ITGA9: variants seen among roughly 807,000 people sequenced by gnomAD.
ITGA9 encodes the protein integrin subunit alpha 9.
In ITGA9, 56 loss-of-function variants were observed where a neutral mutation model predicts 127.8. That is an observed-to-expected ratio of 0.44 (90% CI 0.35 to 0.55). The LOEUF is 0.55. ITGA9 is among the 20% of genes least tolerant of loss of function. The pLI is 0.00. For synonymous variants in ITGA9, 508 were observed against 514.5 expected (o/e 0.99, Z 0.17); for missense variants, 1,196 against 1,347.1 (o/e 0.89, Z 1.76).
chr3:37,612,165 C>T (rs936903154), intron 15 of ITGA9, among the ~76,000 whole-genome samples: 34 of 152,194 alleles, frequency 2.2e-4, no homozygotes, highest in African/African-American at 7.0e-4. Context: ...TGGTCTCTCT[C>T]ATTAGGCATT....
At chr3:37,482,983 T>C (rs765684622) in intron 4 of ITGA9, among the ~76,000 whole-genome samples, 5 of 152,146 alleles carry the variant, frequency 3.3e-5, no homozygotes, top group African/African-American at 4.8e-5. Context: ...AAAGCATGTG[T>C]CAAGCCTGGG....
intron 15 of ITGA9, among the ~76,000 whole-genome samples, chr3:37,596,429 G>A (rs767276842): frequency 1.3e-5 from 2 of 152,172 alleles, no homozygotes; most frequent in African/African-American, 4.8e-5. Flanking sequence ...GCCCCTTGGA[G>A]GAGAGAAAAG....
intron 18 of ITGA9, among the ~76,000 whole-genome samples, chr3:37,694,620 A>G (rs983437040): frequency 6.6e-6 from 1 of 152,252 alleles, no homozygotes; most frequent in African/African-American, 2.4e-5. Context: ...ACAAGGATCA[A>G]TTAAGAAGGA....
At chr3:37,747,523 C>G (rs1047202571) in intron 22 of ITGA9, among the ~76,000 whole-genome samples, 4 of 146,794 alleles carry the variant, frequency 2.7e-5, no homozygotes, top group African/African-American at 1.0e-4. Flanking sequence ...ACCATCCCCA[C>G]CACCCCCCGC....
At chr3:37,672,914 T>TG (rs397956183) in intron 17 of ITGA9, among the ~76,000 whole-genome samples, 6 of 151,790 alleles carry the variant, frequency 4.0e-5, no homozygotes, top group Non-Finnish European at 7.4e-5. Context: ...TTTTTTTTTT[T>TG]ACAACAAAAA....
At chr3:37,751,860 T>C (rs1399138319) in intron 23 of ITGA9, among the ~76,000 whole-genome samples, 1 of 152,230 alleles carries the variant, frequency 6.6e-6, no homozygotes, top group East Asian at 1.9e-4. Flanking sequence ...TGTAACAGAC[T>C]TGGCCCTAGG....
At chr3:37,737,682 G>A (rs1696379611) in intron 20 of ITGA9, among the ~76,000 whole-genome samples, 1 of 152,180 alleles carries the variant, frequency 6.6e-6, no homozygotes, top group Non-Finnish European at 1.5e-5. Context: ...GGAGGGAGGG[G>A]CGTTCAGGTG....
chr3:37,624,557 C>G (rs571462112), intron 15 of ITGA9, among the ~76,000 whole-genome samples: 5 of 152,118 alleles, frequency 3.3e-5, no homozygotes, highest in African/African-American at 4.8e-5. Context: ...ACACAGCCTC[C>G]TGCTGCCTCC....
chr3:37,611,363 C>G lies in ITGA9; in HGVS notation c.1690-17824C>G, dbSNP rs547905477. ...TAAGGAGCAGTGGGGACAGGAGGAG[C>G]AAGCCATCTCCTGGGGGAGTCAAGA... On this transcript the variant is annotated intron_variant, in intron 15 of 27. Transcript: ENST00000264741. Among the ~76,000 whole-genome samples the G allele has an allele frequency of 1.8e-4, 28 of 152,194 alleles. No homozygotes were observed. In the South Asian group the frequency reaches 4.8e-3, roughly 26 times the overall value.
At chr3:37,785,234 C>G (rs1003151945) in intron 26 of ITGA9, among the ~76,000 whole-genome samples, 156 bp downstream of exon 26, 1 of 152,092 alleles carries the variant, frequency 6.6e-6, no homozygotes, top group African/African-American at 2.4e-5. Flanking sequence ...GCTTCCAGGC[C>G]CCCCCTGGAG....
chr3:37,688,684 C>T (rs1700802687), intron 18 of ITGA9, among the ~76,000 whole-genome samples: 1 of 152,134 alleles, frequency 6.6e-6, no homozygotes, highest in Non-Finnish European at 1.5e-5. Flanking sequence ...GCTGCCTTTA[C>T]CCAGGAATCA....
intron 23 of ITGA9, among the ~76,000 whole-genome samples, chr3:37,761,835 A>C (rs909317442): frequency 6.6e-6 from 1 of 152,182 alleles, no homozygotes; most frequent in African/African-American, 2.4e-5. Flanking sequence ...CACTAATGAT[A>C]ATTCACCAGC....
intron 5 of ITGA9, among the ~76,000 whole-genome samples, chr3:37,496,502 A>G (rs934046949): frequency 2.0e-5 from 3 of 152,142 alleles, no homozygotes; most frequent in Non-Finnish European, 4.4e-5. Flanking sequence ...CTGCCACCCT[A>G]CAAATCTAAG....
At chr3:37,585,323 C>T (rs1209733079) in intron 15 of ITGA9, among the ~76,000 whole-genome samples, 1 of 152,104 alleles carries the variant, frequency 6.6e-6, no homozygotes. Flanking sequence ...TTTTTCCTCT[C>T]CTCTGGCCTC....
intron 15 of ITGA9, among the ~76,000 whole-genome samples, chr3:37,542,797 G>T (rs1409750745): frequency 6.6e-6 from 1 of 152,104 alleles, no homozygotes; most frequent in South Asian, 2.1e-4. Flanking sequence ...TTTAAGGGGG[G>T]TCGTGGTGGT....
rs565760297 is a variant in ITGA9, at chr3:37,812,865, G to C, written c.3010-6026G>C. Reference sequence around the variant, plus strand: ...ATTGACTCCATTGGCTTGGAAGTGAGTGTGGGGCTGCTGGGCATCCAGCTT... The same window carrying C: ...ATTGACTCCATTGGCTTGGAAGTGACTGTGGGGCTGCTGGGCATCCAGCTT... On this transcript the variant is annotated intron_variant, in intron 27 of 27. Coordinates refer to ENST00000264741, the MANE Select transcript of ITGA9 (RefSeq NM_002207.3). Among the ~76,000 whole-genome samples, 58 of 152,386 alleles carry C rather than the reference G, an allele frequency of 3.8e-4. 1 individual carries two copies. Among genetic ancestry groups the C allele is most frequent in the African/African-American group, 1.3e-3 (55 of 41,600 alleles).
At chr3:37,818,698 A>G in intron 27 of ITGA9, 193 bp from the exon 28 acceptor site, 1 of 628,280 alleles carries the variant, frequency 1.6e-6, no homozygotes, top group Non-Finnish European at 2.9e-6. Context: ...ACCCGCAGGA[A>G]GTCCATGCAT....
intron 1 of ITGA9, among the ~76,000 whole-genome samples, chr3:37,470,143 T>TTTG (rs1386072744): frequency 6.7e-6 from 1 of 150,278 alleles, no homozygotes; most frequent in Non-Finnish European, 1.5e-5. Context: ...TCTTCTTGTT[T>TTTG]TTTTTTTTTT....
chr3:37,640,886 G>C (rs1397267454), intron 16 of ITGA9, among the ~76,000 whole-genome samples: 1 of 152,156 alleles, frequency 6.6e-6, no homozygotes, highest in African/African-American at 2.4e-5. Flanking sequence ...TGAGGGAAAT[G>C]TGAGAAGCCC....
Sources: allele counts gnomAD v4.1 joint callset (sites outside exome capture counted in the v4.1 genomes callset), GRCh38; gene constraint gnomAD v4.1.1; transcripts MANE v1.5; gene names NCBI Gene and HGNC (gene_info 2026-07-23, HGNC 2026-07-21).